Variants in MYOM2 observed in about 807,000 individuals in gnomAD.
The protein encoded by MYOM2 is myomesin-2.
A neutral mutation model predicts 187.6 loss-of-function variants in MYOM2; 254 were observed. That is an observed-to-expected ratio of 1.35 (90% CI 1.22 to 1.50). The LOEUF is 1.50. Ranked by LOEUF, MYOM2 falls within the 40% of genes most tolerant of loss-of-function variation. The pLI is 0.00. For synonymous variants in MYOM2, 981 were observed against 753.8 expected, an observed-to-expected ratio of 1.30 and a Z score of -4.94; for missense variants, 2,796 against 1,924.0, an observed-to-expected ratio of 1.45 and a Z score of -8.48.
chr8:2,134,230 G>C (rs1455396931), intron 32 of MYOM2, among the ~76,000 whole-genome samples: 1 of 151,818 alleles, frequency 6.6e-6, no homozygotes, highest in Non-Finnish European at 1.5e-5. Context: ...TTTCCCCCCT[G>C]TCTAGGACAG....
intron 32 of MYOM2, among the ~76,000 whole-genome samples, chr8:2,137,616 A>G (rs1319616169): frequency 1.3e-5 from 2 of 151,976 alleles, no homozygotes; most frequent in African/African-American, 4.8e-5. Context: ...ATCAGTTCCA[A>G]CAAGAGAGGG....
At chr8:2,085,527 T>TGTGATCTCTGCATGGCCCCCCACTGTC (rs1819816743) in intron 14 of MYOM2, 137 bp downstream of exon 14, 1 of 252,030 alleles carries the variant, frequency 4.0e-6, no homozygotes, top group Non-Finnish European at 6.0e-6. Context: ...CCCCCACTGT[T>TGTGATCTCTGCATGGCCCCCCACTGTC]GTGATCTCTG....
intron 28 of MYOM2, chr8:2,119,401 T>G (rs903691946): frequency 2.0e-5 from 3 of 152,468 alleles, no homozygotes; most frequent in Non-Finnish European, 4.4e-5. Context: ...AGCAAGTGAC[T>G]TGGTGGCCTC....
intron 31 of MYOM2, among the ~76,000 whole-genome samples, chr8:2,127,018 T>C (rs956344330): frequency 6.6e-6 from 1 of 150,992 alleles, no homozygotes; most frequent in Non-Finnish European, 1.5e-5. Flanking sequence ...TGATAGAGGC[T>C]GGGGGAGCTG....
intron 25 of MYOM2, among the ~76,000 whole-genome samples, chr8:2,114,374 C>G (rs917367484): frequency 1.3e-5 from 2 of 152,208 alleles, no homozygotes; most frequent in African/African-American, 4.8e-5. Flanking sequence ...AGTCTTTCTC[C>G]TATCTTAGCA....
chr8:2,072,848 C>T (rs1201269819), intron 9 of MYOM2, among the ~76,000 whole-genome samples: 1 of 152,236 alleles, frequency 6.6e-6, no homozygotes, highest in African/African-American at 2.4e-5. Context: ...TATTTCTAGA[C>T]AGAAATGCTA....
Position 2,129,837 on chromosome 8 carries a change from C to A in MYOM2, c.3800+605C>A, listed in dbSNP as rs182288229. 2.1e-3 allele frequency among the ~76,000 whole-genome samples: 314 copies of A among 152,278 alleles called. 2 individuals carry two copies. Among genetic ancestry groups the A allele is most frequent in the African/African-American group, 6.8e-3 (281 of 41,550 alleles). ...TCCCAGGCAAAGCACAAGCCGACAT[C>A]TGAAACAACCAGGCAAACTGCTGGC... On this transcript the variant is annotated intron_variant, in intron 32 of 36. Coordinates refer to ENST00000262113, the MANE Select transcript of MYOM2 (RefSeq NM_003970.4).
intron 6 of MYOM2, among the ~76,000 whole-genome samples, chr8:2,059,663 A>G (rs1195132219): frequency 6.6e-6 from 1 of 152,128 alleles, no homozygotes; most frequent in Non-Finnish European, 1.5e-5. Context: ...AAGAAAAACA[A>G]TCATCTATAC....
chr8:2,099,998 TC>T (rs1796627243), intron 19 of MYOM2, among the ~76,000 whole-genome samples: 1 of 124,276 alleles, frequency 8.0e-6, no homozygotes, highest in African/African-American at 2.7e-5. Flanking sequence ...CTTCCTTCTT[TC>T]CTTCCTTCCT....
At chr8:2,088,759 T>C (rs1796184482) in intron 14 of MYOM2, among the ~76,000 whole-genome samples, 1 of 152,258 alleles carries the variant, frequency 6.6e-6, no homozygotes, top group African/African-American at 2.4e-5. Context: ...AATGGTTTAT[T>C]TTCCTTTGGG....
intron 3 of MYOM2, among the ~76,000 whole-genome samples, chr8:2,056,878 C>T (rs1406544181): frequency 6.6e-6 from 1 of 152,158 alleles, no homozygotes; most frequent in Non-Finnish European, 1.5e-5. Context: ...CCCGAGTTGC[C>T]CTGTCTTTAC....
intron 16 of MYOM2, 51 bp downstream of exon 16, chr8:2,092,571 C>T: frequency 1.3e-6 from 2 of 1,582,890 alleles, no homozygotes; most frequent in South Asian, 1.1e-5. Flanking sequence ...AGTAGCAAGA[C>T]CGTTGAGGTC....
chr8:2,064,819 A>G (rs1374923857), intron 6 of MYOM2, among the ~76,000 whole-genome samples: 1 of 152,040 alleles, frequency 6.6e-6, no homozygotes, highest in Non-Finnish European at 1.5e-5. Context: ...CAGTGATCTT[A>G]TTTCCTACAT....
At chr8:2,129,077 C>T (rs1797758366) in intron 31 of MYOM2, 50 bp from the exon 32 acceptor site, 3 of 1,380,740 alleles carry the variant, frequency 2.2e-6, no homozygotes, top group Non-Finnish European at 3.1e-6. Context: ...TCTGTGATCA[C>T]ACAGCAGGCA....
intron 6 of MYOM2, among the ~76,000 whole-genome samples, chr8:2,061,326 C>A (rs1309611061): frequency 6.6e-6 from 1 of 151,968 alleles, no homozygotes; most frequent in Admixed American, 6.6e-5. Context: ...TCTTTGTCCC[C>A]TCCAGCCTGG....
chr8:2,069,539 A>G, intron 8 of MYOM2, 42 bp downstream of exon 8: 2 of 1,608,138 alleles, frequency 1.2e-6, no homozygotes, highest in Non-Finnish European at 1.7e-6. Context: ...TGAAATGTTT[A>G]GTGACATAGC....
At chr8:2,143,180 C>A (rs1320406436) in intron 35 of MYOM2, among the ~76,000 whole-genome samples, 1 of 152,146 alleles carries the variant, frequency 6.6e-6, no homozygotes, top group Non-Finnish European at 1.5e-5. Flanking sequence ...TGTTTCTCCC[C>A]CAACCCCTTC....
chr8:2,127,484 T>C (rs1381833209), intron 31 of MYOM2, among the ~76,000 whole-genome samples: 1 of 152,222 alleles, frequency 6.6e-6, no homozygotes, highest in African/African-American at 2.4e-5. Flanking sequence ...TTCTGTCATT[T>C]CCTCCCCTGT....
At chr8:2,065,863 G>T (rs768102725) in intron 6 of MYOM2, among the ~76,000 whole-genome samples, 1 of 151,798 alleles carries the variant, frequency 6.6e-6, no homozygotes, top group Non-Finnish European at 1.5e-5. Flanking sequence ...GATGAGCTGA[G>T]TCTACACTGA....
Sources: allele counts gnomAD v4.1 joint callset (sites outside exome capture counted in the v4.1 genomes callset), GRCh38; gene constraint gnomAD v4.1.1; transcripts MANE v1.5; gene names NCBI Gene and HGNC (gene_info 2026-07-23, HGNC 2026-07-21).